Variants in KPNB1 observed in about 807,000 individuals in gnomAD.
The protein encoded by KPNB1 is karyopherin subunit beta 1.
KPNB1 carries 7 observed loss-of-function variants against 113.0 expected under a neutral mutation model. The observed-to-expected ratio is 0.06, with a 90% CI of 0.04 to 0.12. The LOEUF is 0.12. KPNB1 is among the 10% of genes least tolerant of loss of function. The pLI is 1.00. For missense variants in KPNB1, 400 were observed against 1,054.8 expected, an observed-to-expected ratio of 0.38 and a Z score of 8.60; for synonymous variants, 363 against 378.6, an observed-to-expected ratio of 0.96 and a Z score of 0.48.
Position 47,658,522 on chromosome 17 carries a change from A to G in KPNB1, c.498A>G (p.Leu166=), listed in dbSNP as rs370600841. The G allele has an allele frequency of 1.8e-5, 29 of 1,613,142 alleles. No homozygotes were observed. The highest frequency in any genetic ancestry group is 2.3e-5 in the Non-Finnish European group (27 of 1,180,022). The change falls in exon 5 of 22, where the codon CTA becomes CTG. Residue 166 remains leucine (L), a synonymous_variant. Coordinates refer to ENST00000290158, the MANE Select transcript of KPNB1 (RefSeq NM_002265.6). ...YICQDIDPEQ[L]QDKSNEILTA... is the part of the protein sequence containing the mutation. ...GCTTGTTACAGGACCCAGAGCAGCT[A>G]CAAGATAAATCCAATGAGATTCTGA...
chr17:47,675,372 G>T (rs77142415), intron 15 of KPNB1, among the ~76,000 whole-genome samples: 29,783 of 80,906 alleles, frequency 0.37, 5,833 homozygotes, highest in African/African-American at 0.42. Context: ...TTTTTTTTTT[G>T]TTTTTTTTTT....
Position 47,678,299 on chromosome 17 carries a change from G to A in KPNB1, c.2248-9G>A, listed in dbSNP as rs746372616. ...GTGTGATGTAGGTTCTGTTCTTTGT[G>A]TCTTACAGTCAGACTATGACATGGT... is the stretch of plus-strand genomic sequence containing the variant. On this transcript the variant is annotated splice_polypyrimidine_tract_variant and intron_variant, in intron 18 of 21. Coordinates refer to ENST00000290158, the MANE Select transcript of KPNB1 (RefSeq NM_002265.6). 3 of 1,612,884 alleles carry A rather than the reference G, an allele frequency of 1.9e-6. No homozygotes were observed. The highest frequency in any genetic ancestry group is 1.1e-5 in the South Asian group (1 of 91,064).
chr17:47,661,048 A>T (rs1327429779), intron 5 of KPNB1, 71 bp from the exon 6 acceptor site: 3 of 1,230,996 alleles, frequency 2.4e-6, no homozygotes, highest in Admixed American at 1.7e-5. Flanking sequence ...TTCCTTGTAG[A>T]GGGAGTCTGG....
Position 47,675,361 on chromosome 17 carries a change from G to GTTTTTGTTTT in KPNB1, c.1912+584_1912+585insGTTTTTTTTT, listed in dbSNP as rs2030568124. Among the ~76,000 whole-genome samples, 74 of 88,690 alleles carry GTTTTTGTTTT rather than the reference G, an allele frequency of 8.3e-4. 1 individual carries two copies. The highest frequency in any genetic ancestry group is 5.2e-3 in the East Asian group (18 of 3,440). 58.2% of individuals were successfully genotyped at this position (88,690 alleles called of 152,430 possible). On this transcript the variant is annotated intron_variant, in intron 15 of 21. Transcript: ENST00000290158. Reference sequence around the variant, plus strand: ...TGCAACGGAGATTGGCAGAGGTGTTGTTTTTTTTTTGTTTTTTTTTTTTGT... The same window carrying GTTTTTGTTTT: ...TGCAACGGAGATTGGCAGAGGTGTTGTTTTTGTTTTTTTTTTTTTTGTTTTTTTTTTTTGT...
intron 3 of KPNB1, among the ~76,000 whole-genome samples, chr17:47,653,819 C>T (rs1915645432): frequency 2.0e-5 from 3 of 152,292 alleles, no homozygotes; most frequent in South Asian, 4.1e-4. Context: ...ATCTTGCATA[C>T]CCATGATAAG....
At chr17:47,664,330 T>C (rs534702628) in intron 8 of KPNB1, 61 bp downstream of exon 8, 2 of 1,093,772 alleles carry the variant, frequency 1.8e-6, no homozygotes, top group South Asian at 1.3e-5. Flanking sequence ...TTGTGGATGA[T>C]GTTCCCCTTC....
intron 13 of KPNB1, 122 bp downstream of exon 13, chr17:47,673,287 A>T (rs886520708): frequency 9.3e-7 from 1 of 1,070,896 alleles, no homozygotes; most frequent in African/African-American, 1.6e-5. Flanking sequence ...CAGAAAGATA[A>T]TAAAGCTTAT....
At position 47,658,552 on chromosome 17, in the gene KPNB1, C is replaced by T; in HGVS notation, c.528C>T (p.Ala176=). Residue 176 remains alanine, a synonymous_variant, in exon 5 of 22, where the codon GCC becomes GCT. Transcript: ENST00000290158. ...LQDKSNEILT[A]IIQGMRKEEP... ...ATAAATCCAATGAGATTCTGACTGCCATAATCCAGGGGATGAGGAAAGAAG... is the reference window on the plus strand; with the variant it reads ...ATAAATCCAATGAGATTCTGACTGCTATAATCCAGGGGATGAGGAAAGAAG... 6.2e-7 allele frequency: 1 copy of T among 1,613,744 alleles called. No individual in the cohort carries two copies. Among genetic ancestry groups the T allele is most frequent in the South Asian group, 1.1e-5 (1 of 91,074 alleles).
At chr17:47,673,737 C>G (rs755505311) in intron 14 of KPNB1, 176 bp downstream of exon 14, 2 of 601,802 alleles carry the variant, frequency 3.3e-6, no homozygotes, top group Admixed American at 5.8e-5. Context: ...CCCCACCTGC[C>G]TTACCTGTCT....
chr17:47,670,192 T>C lies in KPNB1; in HGVS notation c.1416+323T>C, dbSNP rs142936404. 480 of 309,178 alleles carry C rather than the reference T, an allele frequency of 1.6e-3. 3 individuals carry two copies. The highest frequency in any genetic ancestry group is 7.9e-3 in the African/African-American group (386 of 48,662). 19.2% of individuals were successfully genotyped at this position (309,178 alleles called of 1,614,324 possible). A position where few individuals can be genotyped will look rare whatever the true frequency, so the allele number is the denominator to read the frequency against. On this transcript the variant is annotated intron_variant, in intron 11 of 21. Transcript: ENST00000290158. Reference sequence around the variant, plus strand: ...GAGTTTTTGGCTGTAAGAAGTATCATTGCTGAGTAGAGGGCAAGAGGGAAG... The same window carrying C: ...GAGTTTTTGGCTGTAAGAAGTATCACTGCTGAGTAGAGGGCAAGAGGGAAG...
rs895100788 is a variant in KPNB1 at position 47,657,073 on chromosome 17, C to T, written c.483+13C>T. 3.1e-6 allele frequency: 5 copies of T among 1,607,860 alleles called. No homozygotes were observed. The highest frequency in any genetic ancestry group is 1.1e-5 in the South Asian group (1 of 90,528). On this transcript the variant is annotated intron_variant, in intron 4 of 21. Transcript: ENST00000290158. ...TTGCCAAGATATAGTAAGTGCTTGC[C>T]TAATGTATCTGGTTTATATACCTCT...
rs1383043767 is a variant in KPNB1, at chr17:47,662,949, G to T, written c.697-140G>T. The stretch of plus-strand genomic sequence containing the variant: ...AGATAATGAGGGAATTAAAGGGAGA[G>T]AATGAATTTTAGGGAAATGATAACG... On this transcript the variant is annotated intron_variant, in intron 6 of 21. Transcript: ENST00000290158. 7.4e-6 allele frequency: 5 copies of T among 672,346 alleles called. No individual in the cohort carries two copies. The African/African-American group carries it at 9.1e-5, about 12-fold the overall frequency. 41.6% of individuals were successfully genotyped at this position (672,346 alleles called of 1,614,324 possible).
chr17:47,663,938 T>C (rs2030186002), intron 7 of KPNB1, among the ~76,000 whole-genome samples: 1 of 151,516 alleles, frequency 6.6e-6, no homozygotes, highest in East Asian at 1.9e-4. Flanking sequence ...TAAGCTGAGA[T>C]TGTGCTGCTG....
At chr17:47,673,262 A>C (rs2030502530) in intron 13 of KPNB1, 97 bp downstream of exon 13, 2 of 1,206,374 alleles carry the variant, frequency 1.7e-6, no homozygotes, top group Admixed American at 4.5e-5. Context: ...TTTAGTGTTT[A>C]AGTATATATT....
chr17:47,669,987 TAA>T, intron 11 of KPNB1, 118 bp downstream of exon 11: 1 of 764,868 alleles, frequency 1.3e-6, no homozygotes, highest in South Asian at 1.8e-5. Flanking sequence ...ATTTTCTTTC[TAA>T]TTTATTCAAT....
chr17:47,681,235 A>ATTGT (rs1197111203), intron 21 of KPNB1, among the ~76,000 whole-genome samples: 3 of 138,330 alleles, frequency 2.2e-5, no homozygotes, highest in Admixed American at 2.2e-4. Context: ...ACACCCGACT[A>ATTGT]ATTTTCTTTT....
intron 11 of KPNB1, 60 bp downstream of exon 11, chr17:47,669,929 G>A (rs1421858773): frequency 1.6e-6 from 2 of 1,234,434 alleles, no homozygotes; most frequent in Non-Finnish European, 2.4e-6. Flanking sequence ...CAAGAAAGTA[G>A]AAGGTGTGGG....
At chr17:47,673,243 TTCTG>T (rs2030501704) in intron 13 of KPNB1, 78 bp downstream of exon 13, 1 of 1,358,652 alleles carries the variant, frequency 7.4e-7, no homozygotes, top group Non-Finnish European at 1.0e-6. Flanking sequence ...TTCCAGACTG[TTCTG>T]TCTTTTTAGT....
chr17:47,669,566 T>C (rs888370750), intron 10 of KPNB1, 112 bp from the exon 11 acceptor site: 1 of 694,540 alleles, frequency 1.4e-6, no homozygotes, highest in African/African-American at 1.8e-5. Flanking sequence ...TACAGAAGTA[T>C]CTTGGTGACT....
Sources: allele counts gnomAD v4.1 joint callset (sites outside exome capture counted in the v4.1 genomes callset), GRCh38; gene constraint gnomAD v4.1.1; transcripts MANE v1.5; gene names NCBI Gene and HGNC (gene_info 2026-07-23, HGNC 2026-07-21).